RGS3: variants seen among roughly 807,000 people sequenced by gnomAD.
The protein encoded by RGS3 is regulator of G-protein signalling 3.
RGS3 carries 80 observed loss-of-function variants against 132.6 expected under a neutral mutation model. That is an observed-to-expected ratio of 0.60 (90% confidence interval 0.50 to 0.73). The LOEUF is 0.73. RGS3 is among the 30% of genes least tolerant of loss of function. The pLI, the probability that RGS3 is intolerant of heterozygous loss-of-function variation, is 0.00. For missense variants in RGS3, 1,382 were observed against 1,530.8 expected, an observed-to-expected ratio of 0.90 and a Z score of 1.62; for synonymous variants, 598 against 620.6, an observed-to-expected ratio of 0.96 and a Z score of 0.54.
chr9:113,512,712 A>T (rs539173733), intron 14 of RGS3, among the ~76,000 whole-genome samples: 2 of 152,338 alleles, frequency 1.3e-5, no homozygotes, highest in East Asian at 3.9e-4. Flanking sequence ...CCCAGGACCC[A>T]GGCTGGGCAC....
intron 7 of RGS3, among the ~76,000 whole-genome samples, chr9:113,495,269 G>A (rs1296486040): frequency 6.6e-6 from 1 of 152,224 alleles, no homozygotes; most frequent in African/African-American, 2.4e-5. Flanking sequence ...TACCTGCCCT[G>A]CTGGTGGCCA....
chr9:113,572,060 G>A (rs1403584735), intron 19 of RGS3, among the ~76,000 whole-genome samples: 1 of 152,150 alleles, frequency 6.6e-6, no homozygotes, highest in Non-Finnish European at 1.5e-5. Context: ...GGGAGGGGAA[G>A]GTGCTCTAGG....
rs765040245 is a variant in RGS3 at position 113,507,424 on chromosome 9, A to G, written c.1223A>G (p.Lys408Arg). The G allele has an allele frequency of 3.7e-6, 6 of 1,613,830 alleles. No individual in the cohort carries two copies. In the Admixed American group the frequency reaches 1.0e-4, roughly 27 times the overall value. ...CAGTCACCCCCCAACAAACGGGAGA[A>G]GAACTGCACCCATGGGGTCCAGGCA... Residue 408 changes from lysine to arginine, a missense_variant, in exon 13 of 25, where the codon AAG becomes AGG. Lys to Arg is a conservative substitution (Grantham distance 26, BLOSUM62 2). Coordinates refer to ENST00000350696, the Ensembl canonical transcript of RGS3. This position sits in a 1 kb window ranked among gnomAD's most constrained non-coding sequence, Gnocchi z 5.0.
At chr9:113,540,927 G>T (rs1451394951) in intron 19 of RGS3, among the ~76,000 whole-genome samples, 1 of 152,226 alleles carries the variant, frequency 6.6e-6, no homozygotes, top group East Asian at 1.9e-4. Flanking sequence ...TGCAAGAGGA[G>T]CTCTGAACTA....
intron 16 of RGS3, among the ~76,000 whole-genome samples, chr9:113,520,068 G>A (rs1029666234): frequency 3.9e-5 from 6 of 152,198 alleles, no homozygotes; most frequent in Admixed American, 1.3e-4. Context: ...AGGGCCACTT[G>A]GGAGAAGCCA....
intron 20 of RGS3, among the ~76,000 whole-genome samples, chr9:113,587,554 A>G (rs557725358): frequency 6.6e-6 from 1 of 152,336 alleles, no homozygotes; most frequent in East Asian, 1.9e-4. Context: ...AGGGCGCAGT[A>G]CGTAGAAAGC....
intron 10 of RGS3, among the ~76,000 whole-genome samples, chr9:113,503,801 G>C (rs558302557): frequency 7.4e-4 from 113 of 152,306 alleles, no homozygotes; most frequent in Middle Eastern, 3.4e-3. Flanking sequence ...GTTCCATGGA[G>C]GGGGCCAGGC....
chr9:113,463,116 G>T lies in RGS3; in HGVS notation c.415+915G>T, dbSNP rs1829515350. On this transcript the variant is annotated intron_variant, in intron 3 of 24. Coordinates refer to ENST00000350696, the Ensembl canonical transcript of RGS3. This position sits in a 1 kb window ranked among gnomAD's most constrained non-coding sequence, Gnocchi z 4.6. The stretch of plus-strand genomic sequence containing the variant: ...TGTGGGCCTGTCCTGCTGTCCGATG[G>T]CATCAGGCTGTGGGACGGGGGGCCA... Among the ~76,000 whole-genome samples the T allele has an allele frequency of 6.6e-6, 1 of 152,172 alleles. No homozygotes were observed. The highest frequency in any genetic ancestry group is 1.5e-5 in the Non-Finnish European group (1 of 68,040).
rs528084001 is a variant in RGS3 at position 113,562,302 on chromosome 9, C to G, written c.2038-21148C>G. ...ATCAGCCTGGCCAACATGGTGAAAC[C>G]CCACCTCTACTAAAAATGCAAAAAA... On this transcript the variant is annotated intron_variant, in intron 19 of 24. Coordinates refer to ENST00000350696, the Ensembl canonical transcript of RGS3. 5.3e-5 allele frequency among the ~76,000 whole-genome samples: 8 copies of G among 152,104 alleles called. No homozygotes were observed. The South Asian group carries it at 1.7e-3, about 32-fold the overall frequency.
chr9:113,567,136 TTATAAG>T (rs1233227359), intron 19 of RGS3, among the ~76,000 whole-genome samples: 1 of 152,232 alleles, frequency 6.6e-6, no homozygotes, highest in Admixed American at 6.5e-5. Context: ...GGACTTCTGA[TTATAAG>T]TATGTGGTAT....
rs750179520 is a variant in RGS3 at position 113,584,097 on chromosome 9, G to A, written c.2685G>A (p.Glu895=). 60 of 1,614,120 alleles carry A rather than the reference G, an allele frequency of 3.7e-5. 1 individual carries two copies. Among genetic ancestry groups the A allele is most frequent in the Admixed American group, 6.7e-5 (4 of 60,016 alleles). The change falls in exon 20 of 25, where the codon GAG becomes GAA. Residue 895 remains glutamate (E), a synonymous_variant. Transcript: ENST00000350696. ...AGGTGGAGGAGGGGGAGGAAGGGGA[G>A]GAGGACGAGGATGAGGACACCAGCG...
At chr9:113,496,553 CT>C (rs368479213) in intron 8 of RGS3, among the ~76,000 whole-genome samples, 1,853 of 149,156 alleles carry the variant, frequency 0.012, 41 homozygotes, top group African/African-American at 0.043. Flanking sequence ...CTCTCTCTCT[CT>C]TTTTTTTTTC....
chr9:113,562,210 T>G (rs1187519591), intron 19 of RGS3, among the ~76,000 whole-genome samples: 1 of 152,180 alleles, frequency 6.6e-6, no homozygotes, highest in Non-Finnish European at 1.5e-5. Flanking sequence ...GGCACGTGGC[T>G]CTTGCCCGTA....
chr9:113,544,043 G>A (rs1021015739), intron 19 of RGS3, among the ~76,000 whole-genome samples: 5 of 152,198 alleles, frequency 3.3e-5, no homozygotes, highest in Non-Finnish European at 7.3e-5. Flanking sequence ...TGATGAACAA[G>A]CTATGGAAAT....
rs1364768699 is a variant in RGS3 at position 113,579,083 on chromosome 9, C to G, written c.2038-4367C>G. On this transcript the variant is annotated intron_variant, in intron 19 of 24. Transcript: ENST00000350696. The surrounding 1 kb of genome is among the most constrained non-coding windows in gnomAD (Gnocchi z 4.3). ...GAGGCAAACCCCAGTTTACACCCCC[C>G]CAGTGCAGGAAGTGGTTTTCGAGGG... is the stretch of plus-strand genomic sequence containing the variant. Among the ~76,000 whole-genome samples, 1 of 152,162 alleles carries G rather than the reference C, an allele frequency of 6.6e-6. No individual in the cohort carries two copies. Among genetic ancestry groups the G allele is most frequent in the Admixed American group, 6.5e-5 (1 of 15,272 alleles).
At chr9:113,555,705 T>G (rs1467721535) in intron 19 of RGS3, among the ~76,000 whole-genome samples, 1 of 152,188 alleles carries the variant, frequency 6.6e-6, no homozygotes, top group Admixed American at 6.5e-5. Flanking sequence ...GACCTCGTGG[T>G]CTGCCTGCCT....
At chr9:113,581,469 C>T (rs1217737441) in intron 19 of RGS3, 3 of 152,252 alleles carry the variant, frequency 2.0e-5, no homozygotes, top group African/African-American at 7.2e-5. Context: ...GTGGGAAACA[C>T]GTGCCTCTGG....
At chr9:113,512,248 G>T (rs1055916800) in intron 14 of RGS3, among the ~76,000 whole-genome samples, 8 of 152,200 alleles carry the variant, frequency 5.3e-5, no homozygotes, top group South Asian at 2.1e-4. Context: ...TGAGGATGGT[G>T]CTTTAAACAA....
chr9:113,505,240 C>T (rs917753765), intron 10 of RGS3: 2 of 585,134 alleles, frequency 3.4e-6, no homozygotes, highest in Non-Finnish European at 6.1e-6. Context: ...AGCTTTGGGC[C>T]TTCCTGCTTG....
Sources: allele counts gnomAD v4.1 joint callset (sites outside exome capture counted in the v4.1 genomes callset), GRCh38; gene constraint gnomAD v4.1.1; non-coding constraint Gnocchi (gnomAD v3.1); transcripts MANE v1.5; gene names NCBI Gene and HGNC (gene_info 2026-07-23, HGNC 2026-07-21).